ATP8B4: variants seen among roughly 807,000 people sequenced by gnomAD.
ATP8B4 encodes the protein ATPase phospholipid transporting 8B4 (putative), also known as probable phospholipid-transporting ATPase IM.
ATP8B4 carries 133 observed loss-of-function variants against 145.6 expected under a neutral mutation model. The observed-to-expected ratio is 0.91, with a 90% CI of 0.79 to 1.05. The LOEUF is 1.05. Ranked by LOEUF, ATP8B4 falls within the 50% of genes least tolerant of loss-of-function variation. The pLI is 0.00. For missense variants in ATP8B4, 1,458 were observed against 1,425.2 expected, an observed-to-expected ratio of 1.02 and a Z score of -0.37; for synonymous variants, 507 against 492.9, an observed-to-expected ratio of 1.03 and a Z score of -0.38.
chr15:49,929,340 C>T (rs139561602), intron 16 of ATP8B4, among the ~76,000 whole-genome samples: 103 of 152,132 alleles, frequency 6.8e-4, no homozygotes, highest in Non-Finnish European at 1.2e-3. Context: ...GCAGTTGCAA[C>T]GATTCAATAA....
chr15:50,096,857 A>C (rs1357513628), intron 2 of ATP8B4, among the ~76,000 whole-genome samples: 1 of 152,206 alleles, frequency 6.6e-6, no homozygotes, highest in Non-Finnish European at 1.5e-5. Context: ...AAAAGTTATT[A>C]AAACATAGAA....
chr15:50,076,143 T>A (rs748048213), intron 2 of ATP8B4, among the ~76,000 whole-genome samples: 1 of 152,168 alleles, frequency 6.6e-6, no homozygotes, highest in African/African-American at 2.4e-5. Flanking sequence ...ATTCTATAGT[T>A]CTGTACCTAA....
Position 49,860,194 on chromosome 15 carries a change from TCA to T in ATP8B4, c.3577_3578del (p.Ter1193SerfsTer28), listed in dbSNP as rs1317600360. 9 of 1,606,406 alleles carry T rather than the reference TCA, an allele frequency of 5.6e-6. No individual in the cohort carries two copies. The East Asian group carries it at 1.1e-4, about 20-fold the overall frequency. ...CTACGTGGTTTAAATTCATATTGAC[TCA>T]CAGTTTCACTGTTTTATCCTGGCTA... ...SFSQDKTVKL[*>X] On this transcript the variant is annotated frameshift_variant and stop_lost, in exon 28 of 28. Transcript: ENST00000284509. LOFTEE classifies it high-confidence loss of function.
At chr15:49,892,073 A>G (rs2036881271) in intron 23 of ATP8B4, among the ~76,000 whole-genome samples, 1 of 151,332 alleles carries the variant, frequency 6.6e-6, no homozygotes, top group African/African-American at 2.4e-5. Flanking sequence ...CCGAGATCAC[A>G]CCACCGCACT....
chr15:50,027,660 G>A (rs1389188663), intron 6 of ATP8B4, among the ~76,000 whole-genome samples: 3 of 152,064 alleles, frequency 2.0e-5, no homozygotes, highest in Admixed American at 2.0e-4. Flanking sequence ...CCATCATACT[G>A]GACTGAACAC....
chr15:49,980,000 C>T (rs560242838), intron 11 of ATP8B4, among the ~76,000 whole-genome samples, 187 bp from the exon 12 acceptor site: 52 of 152,292 alleles, frequency 3.4e-4, no homozygotes, highest in African/African-American at 1.2e-3. Flanking sequence ...CATTTTCTCA[C>T]TGAATTTGCC....
chr15:50,091,457 T>A (rs1351983808), intron 2 of ATP8B4, among the ~76,000 whole-genome samples: 2 of 152,188 alleles, frequency 1.3e-5, no homozygotes, highest in African/African-American at 4.8e-5. Flanking sequence ...TTAGATTGTA[T>A]ACTTGGAAAT....
At chr15:49,895,273 G>A (rs929411982) in intron 23 of ATP8B4, 8 of 152,278 alleles carry the variant, frequency 5.3e-5, no homozygotes, top group Non-Finnish European at 1.2e-4. Flanking sequence ...CAGAACTTGG[G>A]ATACTCTTCT....
At chr15:49,928,869 G>C (rs925215588) in intron 16 of ATP8B4, among the ~76,000 whole-genome samples, 2 of 152,078 alleles carry the variant, frequency 1.3e-5, no homozygotes, top group African/African-American at 4.8e-5. Context: ...ATGGATTAGA[G>C]AAATGTCTCA....
At chr15:49,981,085 CA>C in intron 11 of ATP8B4, 120 bp downstream of exon 11, 2 of 791,022 alleles carry the variant, frequency 2.5e-6, no homozygotes, top group Non-Finnish European at 4.0e-6. Context: ...GCCTCAAATG[CA>C]AAATCCCCAA....
intron 2 of ATP8B4, among the ~76,000 whole-genome samples, chr15:50,101,564 C>T (rs1337327303): frequency 6.6e-6 from 1 of 151,964 alleles, no homozygotes; most frequent in Non-Finnish European, 1.5e-5. Context: ...ATATATGCAC[C>T]TAACACTTGA....
chr15:50,142,027 T>C (rs1353487115), intron 1 of ATP8B4, among the ~76,000 whole-genome samples: 2 of 152,122 alleles, frequency 1.3e-5, no homozygotes, highest in African/African-American at 4.8e-5. Context: ...TCCTAAAATG[T>C]AAAAACTGAG....
At chr15:50,165,896 A>T (rs2044589985) in intron 1 of ATP8B4, among the ~76,000 whole-genome samples, 1 of 152,078 alleles carries the variant, frequency 6.6e-6, no homozygotes, top group Non-Finnish European at 1.5e-5. Flanking sequence ...ATTTGAAAAG[A>T]TAATGACCCC....
At chr15:49,879,510 A>G in intron 23 of ATP8B4, 51 bp from the exon 24 acceptor site, 1 of 1,470,258 alleles carries the variant, frequency 6.8e-7, no homozygotes, top group Non-Finnish European at 9.3e-7. Flanking sequence ...TAGTAGTGAG[A>G]ATATTCACAT....
At chr15:50,125,396 A>T (rs942045889) in intron 1 of ATP8B4, among the ~76,000 whole-genome samples, 2 of 152,124 alleles carry the variant, frequency 1.3e-5, no homozygotes, top group Admixed American at 1.3e-4. Context: ...CCTACCCCTT[A>T]TATGACACTT....
chr15:50,032,048 T>G (rs2050484544), intron 6 of ATP8B4, among the ~76,000 whole-genome samples: 1 of 152,220 alleles, frequency 6.6e-6, no homozygotes, highest in Non-Finnish European at 1.5e-5. Flanking sequence ...AATTTTACTT[T>G]AAGTTCTGGG....
At chr15:49,965,755 A>G (rs1056464403) in intron 13 of ATP8B4, among the ~76,000 whole-genome samples, 1 of 152,148 alleles carries the variant, frequency 6.6e-6, no homozygotes, top group African/African-American at 2.4e-5. Flanking sequence ...TCAGGCTACC[A>G]AGAACTTGCC....
At chr15:49,928,357 A>T (rs2040921400) in intron 16 of ATP8B4, among the ~76,000 whole-genome samples, 1 of 152,126 alleles carries the variant, frequency 6.6e-6, no homozygotes, top group South Asian at 2.1e-4. Context: ...AAGTGGGGGA[A>T]AGGAGTATTC....
At chr15:49,922,461 T>A (rs1189434767) in intron 17 of ATP8B4, 17 of 423,176 alleles carry the variant, frequency 4.0e-5, no homozygotes, top group African/African-American at 3.5e-4. Context: ...AAACAATAGC[T>A]ATGTTTGTAA....
Sources: gnomAD v4.1 joint callset for allele counts (sites outside exome capture counted in the v4.1 genomes callset) on GRCh38, gnomAD v4.1.1 for gene constraint, MANE v1.5 for transcripts, NCBI Gene and HGNC (gene_info 2026-07-23, HGNC 2026-07-21) for gene names.